Variants in SMIM27 observed in about 807,000 individuals in gnomAD.
SMIM27 encodes transition zone microprotein 1, also known as TOPORS antisense RNA 1 (non-protein coding).
In SMIM27, 3 loss-of-function variants were observed where a neutral mutation model predicts 1.8. The observed-to-expected ratio is 1.65, with a 90% confidence interval of 0.75 to 4.28. The LOEUF (loss-of-function observed/expected upper bound fraction) is 4.28. SMIM27 is among the 30% of genes most tolerant of loss of function. SMIM27 has a pLI of 0.02. For missense variants in SMIM27, 63 were observed against 37.0 expected, an observed-to-expected ratio of 1.70 and a Z score of -1.83; for synonymous variants, 19 against 13.9, an observed-to-expected ratio of 1.37 and a Z score of -0.82.
intron 1 of SMIM27, among the ~76,000 whole-genome samples, chr9:32,562,189 G>A (rs1013621259): frequency 5.3e-5 from 8 of 152,014 alleles, no homozygotes; most frequent in African/African-American, 1.7e-4. Context: ...TTTTTCCTCC[G>A]TACTCTTTCC....
exon 2 of SMIM27, chr9:32,566,540 T>C (rs1587648429): frequency 5.2e-6 from 4 of 772,988 alleles, no homozygotes; most frequent in Non-Finnish European, 7.2e-6. Flanking sequence ...GCTCCTCTGT[T>C]GTATAGCTGC....
intron 1 of SMIM27, among the ~76,000 whole-genome samples, chr9:32,562,717 A>G (rs1821659828): frequency 6.6e-6 from 1 of 152,204 alleles, no homozygotes; most frequent in South Asian, 2.1e-4. Context: ...CAAGATCAGG[A>G]AATTAACACT....
chr9:32,552,896 AAT>A lies in SMIM27; in HGVS notation c.142_143del (p.Ile48LeufsTer5). ...AGCTAAGGAAGAAATACCCAGACAA[AAT>A]CTTTGGGACGAATGAAAATTTGTAA... ...RQLRKKYPDK[I>X]FGTNENL is the part of the protein sequence containing the mutation. On this transcript the variant is annotated frameshift_variant, in exon 2 of 2. Transcript: ENST00000692500. LOFTEE classifies it high-confidence loss of function. 1.4e-6 allele frequency: 1 copy of A among 702,412 alleles called. No homozygotes were observed. The highest frequency in any genetic ancestry group is 2.6e-6 in the Non-Finnish European group (1 of 384,754). 43.5% of individuals were successfully genotyped at this position (702,412 alleles called of 1,614,324 possible).
At chr9:32,552,606 C>T (rs1821320570) in intron 1 of SMIM27, 127 bp downstream of exon 1, 1 of 805,548 alleles carries the variant, frequency 1.2e-6, no homozygotes, top group Admixed American at 2.0e-5. Context: ...ACTCCCTCAC[C>T]TCGACTCCGC....
At chr9:32,557,486 T>A (rs1821498941), downstream of SMIM27, among the ~76,000 whole-genome samples, 1 of 150,630 alleles carries the variant, frequency 6.6e-6, no homozygotes. Context: ...TTTTTCCTTT[T>A]TCCTTTTTTT....
exon 2 of SMIM27, chr9:32,566,549 G>T: frequency 1.3e-6 from 1 of 773,988 alleles, no homozygotes; most frequent in Admixed American, 1.8e-5. Flanking sequence ...TTGTATAGCT[G>T]CCGTCGTACT....
chr9:32,566,264 T>C (rs1263163475), intron 1 of SMIM27: 29 of 1,113,084 alleles, frequency 2.6e-5, no homozygotes, highest in Non-Finnish European at 4.0e-5. Flanking sequence ...ACACTAATTT[T>C]AGGTTCTCTG....
chr9:32,566,293 A>G, intron 1 of SMIM27: 2 of 1,149,636 alleles, frequency 1.7e-6, no homozygotes, highest in Non-Finnish European at 2.6e-6. Flanking sequence ...AGCAGGCCAT[A>G]AAAATATTCC....
exon 2 of SMIM27, chr9:32,566,771 G>A (rs1340695245): frequency 2.3e-5 from 21 of 906,110 alleles, no homozygotes; most frequent in Non-Finnish European, 3.3e-5. Flanking sequence ...TGTCGGCTGC[G>A]ACGTTCTGGC....
chr9:32,565,783 C>T (rs941818045), intron 1 of SMIM27, among the ~76,000 whole-genome samples: 1 of 152,088 alleles, frequency 6.6e-6, no homozygotes, highest in African/African-American at 2.4e-5. Context: ...ACCAGGCCGA[C>T]CAACATGGCG....
downstream of SMIM27, chr9:32,553,199 C>CT (rs539102970): frequency 0.021 from 4,680 of 224,252 alleles, 6 homozygotes; most frequent in South Asian, 0.04. Flanking sequence ...ATTCGGAAAG[C>CT]TTTTTTTTTT....
chr9:32,560,198 CAAGAGA>C (rs1821587217), intron 1 of SMIM27, among the ~76,000 whole-genome samples: 1 of 152,164 alleles, frequency 6.6e-6, no homozygotes, highest in Non-Finnish European at 1.5e-5. Context: ...CTACCAAAAT[CAAGAGA>C]AAAAGTAAGG....
At chr9:32,563,491 C>CTTTTTTTTTTTTTTTCTTTTTTTTTTTTT (rs111646430) in intron 1 of SMIM27, among the ~76,000 whole-genome samples, 1 of 92,004 alleles carries the variant, frequency 1.1e-5, no homozygotes, top group Non-Finnish European at 2.2e-5. Flanking sequence ...GACTATTGGG[C>CTTTTTTTTTTTTTTTCTTTTTTTTTTTTT]TTTTTTTTTT....
chr9:32,551,646 C>T (rs1341752038), upstream of SMIM27: 2 of 285,374 alleles, frequency 7.0e-6, no homozygotes, highest in East Asian at 1.6e-4. Flanking sequence ...AGATTCTACT[C>T]CTCAGGCCTC....
intron 1 of SMIM27, among the ~76,000 whole-genome samples, chr9:32,562,289 G>C (rs1348135447): frequency 6.6e-6 from 1 of 152,200 alleles, no homozygotes; most frequent in African/African-American, 2.4e-5. Flanking sequence ...TAAAGGAAGA[G>C]GACATGCTAG....
Position 32,552,327 on chromosome 9 carries a change from G to A in SMIM27, c.-108G>A, listed in dbSNP as rs765912044. ...GCACGAAGCGAGTGGGCGGGCGCTC[G>A]TGCCCGGCTAAAAGATGGCTGCTGG... On this transcript the variant is annotated 5_prime_UTR_variant, in exon 1 of 2. In the 5' UTR this introduces an upstream ATG that the reference lacks. Transcript: ENST00000692500. 1.3e-5 allele frequency: 19 copies of A among 1,503,944 alleles called. No homozygotes were observed. Among genetic ancestry groups the A allele is most frequent in the East Asian group, 2.4e-5 (1 of 40,834 alleles). The allele number at this position is 1,503,944 out of a possible 1,614,324, so 93.2% of individuals were successfully genotyped here. A position where few individuals can be genotyped will look rare whatever the true frequency, so the allele number is the denominator to read the frequency against.
At chr9:32,562,593 T>C (rs1337038342) in intron 1 of SMIM27, among the ~76,000 whole-genome samples, 1 of 152,248 alleles carries the variant, frequency 6.6e-6, no homozygotes, top group African/African-American at 2.4e-5. Flanking sequence ...GCTGCAAGAA[T>C]GAAAATAATT....
At chr9:32,566,261 T>G in intron 1 of SMIM27, 1 of 1,104,228 alleles carries the variant, frequency 9.1e-7, no homozygotes, top group South Asian at 1.2e-5. Context: ...ACAACACTAA[T>G]TTTAGGTTCT....
At chr9:32,551,606 G>A (rs1821262524), upstream of SMIM27, 1 of 253,562 alleles carries the variant, frequency 3.9e-6, no homozygotes, top group Non-Finnish European at 8.5e-6. Context: ...GAGGTATAAA[G>A]AACGTCTAGA....
Sources: allele counts gnomAD v4.1 joint callset (sites outside exome capture counted in the v4.1 genomes callset), GRCh38; gene constraint gnomAD v4.1.1; transcripts MANE v1.5; gene names NCBI Gene and HGNC (gene_info 2026-07-23, HGNC 2026-07-21).